The following SGCZ variants were observed in gnomAD, a reference collection of about 807,000 sequenced individuals.
The protein encoded by SGCZ is zeta-sarcoglycan.
SGCZ carries 40 observed loss-of-function variants against 41.3 expected under a neutral mutation model. That is an observed-to-expected ratio of 0.97 (90% CI 0.75 to 1.26). The LOEUF (loss-of-function observed/expected upper bound fraction) is 1.26, where lower values mean the gene tolerates loss of function less well. SGCZ is among the 50% of genes most tolerant of loss of function. SGCZ has a pLI of 0.00. For synonymous variants in SGCZ, 206 were observed against 137.5 expected, an observed-to-expected ratio of 1.50 and a Z score of -3.49; for missense variants, 552 against 369.8, an observed-to-expected ratio of 1.49 and a Z score of -4.04.
intron 4 of SGCZ, among the ~76,000 whole-genome samples, chr8:14,166,159 T>C (rs13253277): frequency 0.34 from 52,188 of 152,110 alleles, 11,372 homozygotes; most frequent in Non-Finnish European, 0.49. Context: ...AAACTAATGT[T>C]AAACTTTTGG....
chr8:14,936,470 G>T (rs1427564092), intron 1 of SGCZ, among the ~76,000 whole-genome samples: 1 of 151,824 alleles, frequency 6.6e-6, no homozygotes, highest in Non-Finnish European at 1.5e-5. Context: ...GTTAAAAACA[G>T]AATGGGTGTA....
intron 1 of SGCZ, among the ~76,000 whole-genome samples, chr8:14,866,803 C>G (rs145830192): frequency 2.0e-3 from 306 of 151,240 alleles, no homozygotes; most frequent in Non-Finnish European, 3.7e-3. Context: ...CAAAAAGAAA[C>G]TAAAAGAAAA....
chr8:15,072,192 G>A (rs1805379143), intron 1 of SGCZ, among the ~76,000 whole-genome samples: 1 of 152,086 alleles, frequency 6.6e-6, no homozygotes, highest in Non-Finnish European at 1.5e-5. Flanking sequence ...CCCAGTAAAG[G>A]AAGGGAATTC....
chr8:14,908,994 C>T (rs1234836136), intron 1 of SGCZ, among the ~76,000 whole-genome samples: 1 of 152,118 alleles, frequency 6.6e-6, no homozygotes, highest in Non-Finnish European at 1.5e-5. Flanking sequence ...TCTCTCCTAA[C>T]ACCTGGGACA....
intron 1 of SGCZ, among the ~76,000 whole-genome samples, chr8:14,662,446 A>C (rs1563186746): frequency 1.3e-5 from 2 of 152,302 alleles, no homozygotes; most frequent in South Asian, 4.1e-4. Flanking sequence ...ATGAATATTA[A>C]TCTCTTCCCC....
intron 1 of SGCZ, among the ~76,000 whole-genome samples, chr8:14,821,086 C>T (rs1247887483): frequency 6.6e-6 from 1 of 151,502 alleles, no homozygotes; most frequent in Non-Finnish European, 1.5e-5. Context: ...AGATAGACAA[C>T]AAAAATAAAA....
chr8:15,163,739 T>C (rs1427828030), intron 1 of SGCZ, among the ~76,000 whole-genome samples: 1 of 152,264 alleles, frequency 6.6e-6, no homozygotes, highest in Non-Finnish European at 1.5e-5. Context: ...TATTTCTTTA[T>C]TATTTACAGC....
chr8:14,832,272 A>G (rs568036276), intron 1 of SGCZ, among the ~76,000 whole-genome samples: 1 of 152,274 alleles, frequency 6.6e-6, no homozygotes, highest in Admixed American at 6.5e-5. Flanking sequence ...TAAAGCTATT[A>G]TGTGGTTGAC....
chr8:14,732,949 T>C (rs1023016999), intron 1 of SGCZ, among the ~76,000 whole-genome samples: 1 of 152,168 alleles, frequency 6.6e-6, no homozygotes, highest in Non-Finnish European at 1.5e-5. Flanking sequence ...AAGATTCGCA[T>C]TGATTATACA....
At chr8:14,870,523 T>A (rs554188066) in intron 1 of SGCZ, among the ~76,000 whole-genome samples, 3 of 152,244 alleles carry the variant, frequency 2.0e-5, no homozygotes, top group African/African-American at 7.2e-5. Context: ...GACATAGGCA[T>A]GAGCAAAGAC....
At chr8:14,323,853 G>C (rs1362680952) in intron 3 of SGCZ, among the ~76,000 whole-genome samples, 1 of 152,036 alleles carries the variant, frequency 6.6e-6, no homozygotes, top group East Asian at 1.9e-4. Flanking sequence ...TGAAAATAGA[G>C]AGGCACATTT....
At chr8:15,174,185 A>C (rs555560990) in intron 1 of SGCZ, among the ~76,000 whole-genome samples, 1 of 152,298 alleles carries the variant, frequency 6.6e-6, no homozygotes, top group East Asian at 1.9e-4. Flanking sequence ...CCTAATCCTC[A>C]AGGATTTAAA....
intron 1 of SGCZ, among the ~76,000 whole-genome samples, chr8:14,812,285 A>G (rs1801759284): frequency 6.6e-6 from 1 of 152,030 alleles, no homozygotes; most frequent in Admixed American, 6.6e-5. Flanking sequence ...TTGAATTGGC[A>G]TCTACAGAAT....
chr8:15,066,641 T>G (rs1035809751), intron 1 of SGCZ, among the ~76,000 whole-genome samples: 2 of 152,246 alleles, frequency 1.3e-5, no homozygotes. Context: ...TTCAATTACC[T>G]CCACTTCTTC....
chr8:14,789,246 C>T (rs1485025224), intron 1 of SGCZ, among the ~76,000 whole-genome samples: 1 of 152,064 alleles, frequency 6.6e-6, no homozygotes, highest in African/African-American at 2.4e-5. Context: ...CTAAATATAC[C>T]ATGAAAAAAT....
At chr8:14,226,017 G>C (rs1311401485) in intron 4 of SGCZ, among the ~76,000 whole-genome samples, 3 of 151,926 alleles carry the variant, frequency 2.0e-5, no homozygotes, top group Admixed American at 6.6e-5. Context: ...TTTTGAAAAG[G>C]ACGATGGTAT....
At chr8:14,368,397 G>A (rs1176122762) in intron 2 of SGCZ, among the ~76,000 whole-genome samples, 11 of 152,004 alleles carry the variant, frequency 7.2e-5, no homozygotes, top group African/African-American at 9.7e-5. Flanking sequence ...TACATTATCC[G>A]TTAGATAGAC....
rs1004831641 is a variant in SGCZ, at chr8:14,709,902, G to A, written c.40-154976C>T. Among the ~76,000 whole-genome samples the A allele has an allele frequency of 1.4e-4, 22 of 152,134 alleles. No homozygotes were observed. The East Asian group carries it at 3.9e-3, about 27-fold the overall frequency. On this transcript the variant is annotated intron_variant, in intron 1 of 7. Coordinates refer to ENST00000382080, the MANE Select transcript of SGCZ (RefSeq NM_139167.4). The stretch of plus-strand genomic sequence containing the variant: ...CAGGGACTCTCCTTATTTTATAAAT[G>A]AACAAGTAATTGTCTTAATATTATG...
At chr8:14,993,327 A>C (rs1041717952) in intron 1 of SGCZ, among the ~76,000 whole-genome samples, 1 of 152,148 alleles carries the variant, frequency 6.6e-6, no homozygotes, top group Non-Finnish European at 1.5e-5. Flanking sequence ...ATATTTATTA[A>C]GCATCTAGGA....
Sources: gnomAD v4.1 joint callset for allele counts (sites outside exome capture counted in the v4.1 genomes callset) on GRCh38, gnomAD v4.1.1 for gene constraint, MANE v1.5 for transcripts, NCBI Gene and HGNC (gene_info 2026-07-23, HGNC 2026-07-21) for gene names.